The following CDH18 variants were observed in gnomAD, a reference collection of about 807,000 sequenced individuals.
CDH18 encodes cadherin-18.
A neutral mutation model predicts 67.9 loss-of-function variants in CDH18; 31 were observed. That is an observed-to-expected ratio of 0.46 (90% confidence interval 0.34 to 0.62). CDH18 has a LOEUF of 0.62. CDH18 is among the 20% of genes least tolerant of loss of function. CDH18 has a pLI of 0.01. For missense variants in CDH18, 890 were observed against 975.5 expected, an observed-to-expected ratio of 0.91 and a Z score of 1.17; for synonymous variants, 362 against 347.2, an observed-to-expected ratio of 1.04 and a Z score of -0.48.
intron 5 of CDH18, among the ~76,000 whole-genome samples, chr5:19,626,803 A>G (rs1336084548): frequency 6.6e-6 from 1 of 152,188 alleles, no homozygotes; most frequent in Non-Finnish European, 1.5e-5. Context: ...TTATGGTTTT[A>G]ACTAGGACTA....
At chr5:19,904,259 T>TA (rs1335001494) in intron 2 of CDH18, among the ~76,000 whole-genome samples, 4 of 148,842 alleles carry the variant, frequency 2.7e-5, no homozygotes, top group African/African-American at 9.9e-5. Context: ...GGGCGACAGT[T>TA]AGACTCTGTC....
At chr5:19,833,012 T>A (rs1561398783) in intron 3 of CDH18, among the ~76,000 whole-genome samples, 1 of 152,198 alleles carries the variant, frequency 6.6e-6, no homozygotes, top group Non-Finnish European at 1.5e-5. Flanking sequence ...TATGGGGTCT[T>A]CTTTGATTTC....
intron 3 of CDH18, among the ~76,000 whole-genome samples, chr5:19,787,242 C>G (rs950184734): frequency 1.3e-5 from 2 of 152,058 alleles, no homozygotes; most frequent in African/African-American, 4.8e-5. Flanking sequence ...ATCACAATGT[C>G]AAGAGTTTGA....
intron 3 of CDH18, among the ~76,000 whole-genome samples, chr5:19,762,936 C>A (rs1035176031): frequency 9.9e-5 from 15 of 152,252 alleles, no homozygotes; most frequent in Admixed American, 8.5e-4. Context: ...GGATGAGTTC[C>A]TGTCCTTTGT....
chr5:19,974,684 C>G (rs1798342712), intron 2 of CDH18, among the ~76,000 whole-genome samples: 1 of 151,972 alleles, frequency 6.6e-6, no homozygotes, highest in Non-Finnish European at 1.5e-5. Context: ...AGGCATTGTC[C>G]TTCATTATAA....
intron 2 of CDH18, among the ~76,000 whole-genome samples, chr5:19,846,109 G>T (rs1782915599): frequency 6.6e-6 from 1 of 151,410 alleles, no homozygotes; most frequent in Non-Finnish European, 1.5e-5. Flanking sequence ...ACCTTGCTTT[G>T]TGTTTTTTTA....
At chr5:20,382,703 G>A (rs1744010424) in intron 1 of CDH18, among the ~76,000 whole-genome samples, 1 of 152,092 alleles carries the variant, frequency 6.6e-6, no homozygotes, top group Non-Finnish European at 1.5e-5. Context: ...TGATGTCCCT[G>A]AATATTACAA....
chr5:19,947,908 A>T (rs1795431177), intron 2 of CDH18, among the ~76,000 whole-genome samples: 1 of 152,208 alleles, frequency 6.6e-6, no homozygotes, highest in African/African-American at 2.4e-5. Flanking sequence ...TAGAATATAT[A>T]ATAAACTCTC....
chr5:19,890,130 A>C (rs1279863505), intron 2 of CDH18, among the ~76,000 whole-genome samples: 1 of 152,140 alleles, frequency 6.6e-6, no homozygotes, highest in East Asian at 1.9e-4. Context: ...GTCTTGGCAG[A>C]TTCATGCTCC....
At chr5:20,180,636 G>A (rs1357196427) in intron 2 of CDH18, among the ~76,000 whole-genome samples, 4 of 152,044 alleles carry the variant, frequency 2.6e-5, no homozygotes, top group African/African-American at 4.8e-5. Flanking sequence ...ATAATCAAAT[G>A]AACCTAAATC....
intron 2 of CDH18, among the ~76,000 whole-genome samples, chr5:20,247,151 A>G (rs1177824803): frequency 6.6e-6 from 1 of 152,180 alleles, no homozygotes; most frequent in Non-Finnish European, 1.5e-5. Context: ...ATGCAAATGG[A>G]CCAAGAATAA....
At chr5:19,851,985 T>C (rs1367812400) in intron 2 of CDH18, among the ~76,000 whole-genome samples, 2 of 152,038 alleles carry the variant, frequency 1.3e-5, no homozygotes, top group Non-Finnish European at 2.9e-5. Context: ...TGTACGTGGA[T>C]AATTAAATGC....
chr5:19,776,342 C>A (rs997707952), intron 3 of CDH18, among the ~76,000 whole-genome samples: 1 of 152,082 alleles, frequency 6.6e-6, no homozygotes, highest in Non-Finnish European at 1.5e-5. Context: ...GAGATACATT[C>A]TTTATGCAAG....
chr5:20,172,044 T>C (rs1481588860), intron 2 of CDH18, among the ~76,000 whole-genome samples: 2 of 150,366 alleles, frequency 1.3e-5, no homozygotes, highest in African/African-American at 4.9e-5. Context: ...TGTGGAACCT[T>C]ATTTCTTGGC....
rs565764332 is a variant in CDH18, at chr5:20,523,050, T to C, written c.-580+52412A>G. Among the ~76,000 whole-genome samples, 5 of 152,304 alleles carry C rather than the reference T, an allele frequency of 3.3e-5. No individual in the cohort carries two copies. The South Asian group carries it at 1.0e-3, about 32-fold the overall frequency. Reference sequence around the variant, plus strand: ...TAGGACTTTAACAGGGCAAATGAAATTCCTCATTTTAATGTACTGCAGTTC... The same window carrying C: ...TAGGACTTTAACAGGGCAAATGAAACTCCTCATTTTAATGTACTGCAGTTC... On this transcript the variant is annotated intron_variant, in intron 1 of 14. Transcript: ENST00000507958.
chr5:20,221,160 C>G lies in CDH18; in HGVS notation c.-518+34284G>C, dbSNP rs565539956. The stretch of plus-strand genomic sequence containing the variant: ...AGGATATAGAAAATGAATCTGCACT[C>G]TCATGTTTATTTCAGCACTATTCAC... On this transcript the variant is annotated intron_variant, in intron 2 of 14. Coordinates refer to the CDH18 transcript ENST00000507958. 5.9e-5 allele frequency among the ~76,000 whole-genome samples: 9 copies of G among 152,214 alleles called. No homozygotes were observed. The South Asian group carries it at 1.9e-3, about 32-fold the overall frequency.
intron 2 of CDH18, among the ~76,000 whole-genome samples, chr5:19,973,632 G>T (rs753642687): frequency 2.6e-5 from 4 of 152,088 alleles, no homozygotes; most frequent in Non-Finnish European, 5.9e-5. Flanking sequence ...AGGGAAAAGG[G>T]TTCTGTTTTT....
intron 2 of CDH18, among the ~76,000 whole-genome samples, chr5:19,975,189 C>T (rs1227900916): frequency 1.3e-5 from 2 of 152,082 alleles, no homozygotes; most frequent in East Asian, 1.9e-4. Flanking sequence ...TCAAAGTATA[C>T]ATTTTACTTA....
chr5:20,573,506 T>C (rs1239359668), intron 1 of CDH18, among the ~76,000 whole-genome samples: 1 of 151,532 alleles, frequency 6.6e-6, no homozygotes, highest in East Asian at 1.9e-4. Flanking sequence ...AGTAGAAGAA[T>C]TAGTTAAAAC....
Sources: gnomAD v4.1 joint callset for allele counts (sites outside exome capture counted in the v4.1 genomes callset) on GRCh38, gnomAD v4.1.1 for gene constraint, MANE v1.5 for transcripts, NCBI Gene and HGNC (gene_info 2026-07-23, HGNC 2026-07-21) for gene names.